Variants in OR8J1 observed in about 807,000 individuals in gnomAD.
OR8J1 encodes olfactory receptor family 8 subfamily J member 1.
For missense variants in OR8J1, 400 were observed against 373.0 expected (o/e 1.07, Z -0.60); for synonymous variants, 157 against 144.3 (o/e 1.09, Z -0.63).
chr11:56,359,382 C>T (rs1852602340), intron 1 of OR8J1, among the ~76,000 whole-genome samples: 1 of 151,686 alleles, frequency 6.6e-6, no homozygotes, highest in East Asian at 1.9e-4. Context: ...GAATAAAAAT[C>T]AACTGAAAGA....
chr11:56,354,674 G>A lies in OR8J1; in HGVS notation c.-21+349G>A, dbSNP rs182230568. ...TTATTTACAATAAAAATTGTATATT[G>A]TACAGGATAGCCTATGAGAGAAAAC... On this transcript the variant is annotated intron_variant, in intron 1 of 1. Transcript: ENST00000533152. 4.6e-5 allele frequency among the ~76,000 whole-genome samples: 7 copies of A among 152,224 alleles called. No individual in the cohort carries two copies. The East Asian group carries it at 1.4e-3, about 29-fold the overall frequency.
chr11:56,357,522 G>A, intron 1 of OR8J1: 4 of 848,674 alleles, frequency 4.7e-6, no homozygotes, highest in Admixed American at 1.7e-5. Flanking sequence ...GATTGCTTAT[G>A]GCTGTATAGA....
intron 1 of OR8J1, among the ~76,000 whole-genome samples, chr11:56,355,401 C>T (rs1016859095): frequency 2.6e-5 from 4 of 151,818 alleles, no homozygotes; most frequent in Admixed American, 6.6e-5. Context: ...TTTGGGAGGC[C>T]GAGGCGGGTG....
chr11:56,356,400 A>G (rs1342492438), intron 1 of OR8J1, among the ~76,000 whole-genome samples: 1 of 152,218 alleles, frequency 6.6e-6, no homozygotes, highest in Non-Finnish European at 1.5e-5. Context: ...GTACAGCACC[A>G]GGTTTCAGCA....
At position 56,360,575 on chromosome 11, in the gene OR8J1, C is replaced by T. The variant is rs768285352; in HGVS notation, c.329C>T (p.Ser110Leu). The T allele has an allele frequency of 2.2e-5, 36 of 1,613,932 alleles. No individual in the cohort carries two copies. The African/African-American group carries it at 3.2e-4, about 14-fold the overall frequency. ...QLGGFLFFIV[S>L]EVIMLALMAY... is the part of the protein sequence containing the mutation. ...GGAGGGTTCTTGTTCTTTATTGTAT[C>T]GGAGGTAATCATGCTGGCTTTGATG... Residue 110 changes from serine (S) to leucine (L), a missense_variant, in exon 2 of 2, where the codon TCG becomes TTG. Coordinates refer to ENST00000533152, the MANE Select transcript of OR8J1 (RefSeq NM_001005205.3).
chr11:56,361,495 A>G lies in OR8J1; in HGVS notation c.*298A>G, dbSNP rs1282500229. ...TTAGAAAAAAAAATTAAAAAAAGTT[A>G]AATAAGTTTGAATGAGGCAAAATAT... On this transcript the variant is annotated 3_prime_UTR_variant, in exon 2 of 2. Transcript: ENST00000533152. The G allele has an allele frequency of 3.7e-6, 1 of 271,608 alleles. No individual in the cohort carries two copies. The highest frequency in any genetic ancestry group is 6.8e-6 in the Non-Finnish European group (1 of 147,216). The allele number at this position is 271,608 out of a possible 1,614,324, so 16.8% of individuals were successfully genotyped here. A position where few individuals can be genotyped will look rare whatever the true frequency, so the allele number is the denominator to read the frequency against.
chr11:56,357,531 G>A, intron 1 of OR8J1: 3 of 852,154 alleles, frequency 3.5e-6, no homozygotes, highest in Middle Eastern at 3.4e-4. Context: ...TGGCTGTATA[G>A]AGGGGAATGT....
Position 56,354,294 on chromosome 11 carries a change from T to C in OR8J1, c.-52T>C, listed in dbSNP as rs1854938630. ...CTCTCACTGCCAGTCATGTATAGAC[T>C]CTAAGAACCTGAAGCAGATTCTCCT... On this transcript the variant is annotated 5_prime_UTR_variant, in exon 1 of 2. Coordinates refer to ENST00000533152, the MANE Select transcript of OR8J1 (RefSeq NM_001005205.3). 6.6e-6 allele frequency: 1 copy of C among 152,158 alleles called. No homozygotes were observed. The highest frequency in any genetic ancestry group is 2.4e-5 in the African/African-American group (1 of 41,430). The allele number at this position is 152,158 out of a possible 1,614,324, so 9.4% of individuals were successfully genotyped here. A position where few individuals can be genotyped will look rare whatever the true frequency, so the allele number is the denominator to read the frequency against.
At chr11:56,357,260 G>T in intron 1 of OR8J1, 1 of 350,852 alleles carries the variant, frequency 2.9e-6, no homozygotes, top group Non-Finnish European at 5.2e-6. Context: ...TTTTGTCATG[G>T]CTTACAATTC....
At chr11:56,359,290 G>A (rs958630535) in intron 1 of OR8J1, among the ~76,000 whole-genome samples, 6 of 151,830 alleles carry the variant, frequency 4.0e-5, no homozygotes, top group East Asian at 3.9e-4. Context: ...TCAAATATGA[G>A]CATTGTAGTT....
intron 1 of OR8J1, among the ~76,000 whole-genome samples, chr11:56,355,780 T>G (rs1726735355): frequency 6.6e-6 from 1 of 152,138 alleles, no homozygotes; most frequent in South Asian, 2.1e-4. Context: ...GCCTAGAGAG[T>G]AATCAGAAAT....
chr11:56,355,260 G>A (rs1443002139), intron 1 of OR8J1, among the ~76,000 whole-genome samples: 4 of 150,520 alleles, frequency 2.7e-5, no homozygotes, highest in Non-Finnish European at 5.9e-5. Flanking sequence ...CTAGTAATAG[G>A]GAATAAATAT....
At chr11:56,359,351 A>G (rs1437440703) in intron 1 of OR8J1, among the ~76,000 whole-genome samples, 1 of 152,076 alleles carries the variant, frequency 6.6e-6, no homozygotes, top group Non-Finnish European at 1.5e-5. Context: ...AGTGATAAAA[A>G]TATAAAAATA....
At chr11:56,358,778 A>G (rs1425784418) in intron 1 of OR8J1, among the ~76,000 whole-genome samples, 1 of 152,168 alleles carries the variant, frequency 6.6e-6, no homozygotes, top group African/African-American at 2.4e-5. Flanking sequence ...AGGTCCATAA[A>G]ACAAGGGATA....
intron 1 of OR8J1, among the ~76,000 whole-genome samples, chr11:56,358,937 G>A (rs534475236): frequency 3.3e-5 from 5 of 152,216 alleles, no homozygotes; most frequent in African/African-American, 1.2e-4. Context: ...AACAATGTTA[G>A]GAATTATTTT....
intron 1 of OR8J1, among the ~76,000 whole-genome samples, chr11:56,359,563 A>C (rs1852605906): frequency 6.6e-6 from 1 of 152,126 alleles, no homozygotes. Flanking sequence ...GTAAAGCATA[A>C]TGCCAAGAAA....
rs1590855461 is a variant in OR8J1 at position 56,354,931 on chromosome 11, C to T, written c.-21+606C>T. Reference sequence around the variant, plus strand: ...CTTCAGAAGAAATAGCAAAGAAGAACTTCCATTAGACATCAAAACAAAGGA... The same window carrying T: ...CTTCAGAAGAAATAGCAAAGAAGAATTTCCATTAGACATCAAAACAAAGGA... On this transcript the variant is annotated intron_variant, in intron 1 of 1. Transcript: ENST00000533152. Among the ~76,000 whole-genome samples, 4 of 152,204 alleles carry T rather than the reference C, an allele frequency of 2.6e-5. No individual in the cohort carries two copies. The South Asian group carries it at 8.3e-4, about 32-fold the overall frequency.
Position 56,361,265 on chromosome 11 carries a change from G to C in OR8J1, c.*68G>C. Reference sequence around the variant, plus strand: ...TGCCATTATGTAAAAGAAAATGTAGGAAAAAGAAAAGGTAGGTAGCCGAGT... The same window carrying C: ...TGCCATTATGTAAAAGAAAATGTAGCAAAAAGAAAAGGTAGGTAGCCGAGT... On this transcript the variant is annotated 3_prime_UTR_variant, in exon 2 of 2. Coordinates refer to ENST00000533152, the MANE Select transcript of OR8J1 (RefSeq NM_001005205.3). 1 of 634,638 alleles carries C rather than the reference G, an allele frequency of 1.6e-6. No homozygotes were observed. Among genetic ancestry groups the C allele is most frequent in the East Asian group, 3.2e-5 (1 of 30,992 alleles). The allele number at this position is 634,638 out of a possible 1,614,324, so 39.3% of individuals were successfully genotyped here.
In OR8J1 at chr11:56,356,164, C is replaced by A. The variant is rs1482595266; in HGVS notation, c.-21+1839C>A. ...CCAGTACAACCATAAAGAATCATAA[C>A]ATGGTGAACCAAGAAGGATACAATA... is the stretch of plus-strand genomic sequence containing the variant. On this transcript the variant is annotated intron_variant, in intron 1 of 1. Coordinates refer to ENST00000533152, the MANE Select transcript of OR8J1 (RefSeq NM_001005205.3). 2.6e-5 allele frequency among the ~76,000 whole-genome samples: 4 copies of A among 152,186 alleles called. No individual in the cohort carries two copies. The South Asian group carries it at 8.3e-4, about 32-fold the overall frequency.
Sources: gnomAD v4.1 joint callset for allele counts (sites outside exome capture counted in the v4.1 genomes callset) on GRCh38, gnomAD v4.1.1 for gene constraint, MANE v1.5 for transcripts, NCBI Gene and HGNC (gene_info 2026-07-23, HGNC 2026-07-21) for gene names.